Variants in ADGRL3 observed in about 807,000 individuals in gnomAD.
The protein encoded by ADGRL3 is adhesion G protein-coupled receptor L3.
In ADGRL3, 62 loss-of-function variants were observed where a neutral mutation model predicts 153.5. The ratio of observed to expected loss-of-function variants is 0.40; its 90% CI spans 0.33 to 0.50. The LOEUF is 0.50. Ranked by LOEUF, ADGRL3 falls within the 20% of genes least tolerant of loss-of-function variation. The pLI, the probability that ADGRL3 is intolerant of heterozygous loss-of-function variation, is 0.47. For missense variants in ADGRL3, 1,641 were observed against 1,859.4 expected (o/e 0.88, Z 2.16); for synonymous variants, 710 against 672.5 (o/e 1.06, Z -0.86).
At chr4:61,964,489 G>T (rs2098998956) in intron 17 of ADGRL3, among the ~76,000 whole-genome samples, 4 of 151,986 alleles carry the variant, frequency 2.6e-5, no homozygotes. Context: ...GCTTTGCCTT[G>T]GGTTTAGAAG....
intron 1 of ADGRL3, among the ~76,000 whole-genome samples, chr4:61,263,460 GA>G (rs61654507): frequency 8.0e-4 from 106 of 132,158 alleles, no homozygotes; most frequent in Admixed American, 9.0e-4. Context: ...GAGTGCATTT[GA>G]AAAAAAAAAA....
chr4:61,672,945 A>T (rs1470190874), intron 5 of ADGRL3, among the ~76,000 whole-genome samples: 232 of 152,116 alleles, frequency 1.5e-3, no homozygotes, highest in Non-Finnish European at 1.6e-4. Context: ...CAGCAGATGA[A>T]TAGATAAAAA....
chr4:61,681,265 G>T (rs979969100), intron 6 of ADGRL3, among the ~76,000 whole-genome samples: 5 of 152,096 alleles, frequency 3.3e-5, no homozygotes, highest in Non-Finnish European at 7.4e-5. Flanking sequence ...TCTGAGCAAA[G>T]AATCTTTACT....
intron 8 of ADGRL3, among the ~76,000 whole-genome samples, chr4:61,765,075 C>T (rs2096960176): frequency 6.6e-6 from 1 of 152,142 alleles, no homozygotes; most frequent in East Asian, 1.9e-4. Context: ...TCAGCATAGT[C>T]CTGCCAGCAA....
rs560103357 is a variant in ADGRL3, at chr4:61,316,503, T to G, written c.-239-66621T>G. Among the ~76,000 whole-genome samples, 65 of 152,342 alleles carry G rather than the reference T, an allele frequency of 4.3e-4. 1 individual carries two copies. Among genetic ancestry groups the G allele is most frequent in the Admixed American group, 4.1e-3 (63 of 15,300 alleles). On this transcript the variant is annotated intron_variant, in intron 1 of 26. Coordinates refer to ENST00000683033, the MANE Select transcript of ADGRL3 (RefSeq NM_001387552.1). ...CGCATTTACTTTGACACCAACCTAA[T>G]ACTTTCTTGTGAATTCTTCTGGTGA...
At chr4:61,601,721 C>A (rs969066107) in intron 5 of ADGRL3, among the ~76,000 whole-genome samples, 1 of 152,146 alleles carries the variant, frequency 6.6e-6, no homozygotes, top group Non-Finnish European at 1.5e-5. Flanking sequence ...ATTCTGTCAG[C>A]ATTCAGCTGT....
intron 8 of ADGRL3, among the ~76,000 whole-genome samples, chr4:61,768,514 A>G (rs1353873490): frequency 2.6e-5 from 4 of 152,212 alleles, no homozygotes; most frequent in African/African-American, 7.2e-5. Context: ...GACTTCAGGC[A>G]CCTCAGACCA....
chr4:61,598,593 G>A (rs1450253549), intron 5 of ADGRL3, among the ~76,000 whole-genome samples: 2 of 152,130 alleles, frequency 1.3e-5, no homozygotes, highest in Non-Finnish European at 2.9e-5. Flanking sequence ...TATCCTTAGA[G>A]TGGCACTTTT....
At chr4:61,667,913 T>C (rs1279344898) in intron 5 of ADGRL3, among the ~76,000 whole-genome samples, 1 of 152,182 alleles carries the variant, frequency 6.6e-6, no homozygotes, top group East Asian at 1.9e-4. Flanking sequence ...TGCATCTTAC[T>C]AGGTCAGATT....
intron 6 of ADGRL3, among the ~76,000 whole-genome samples, chr4:61,679,377 T>G (rs1453444879): frequency 6.6e-6 from 1 of 152,036 alleles, no homozygotes; most frequent in Admixed American, 6.6e-5. Context: ...ACATGCAAAC[T>G]ATATCATTGG....
At chr4:61,991,922 T>C (rs1365089409) in intron 19 of ADGRL3, among the ~76,000 whole-genome samples, 1 of 148,162 alleles carries the variant, frequency 6.7e-6, no homozygotes, top group Admixed American at 6.8e-5. Context: ...TAAATATATT[T>C]ATAATATTAC....
At chr4:61,577,033 A>T (rs1189258652) in intron 4 of ADGRL3, among the ~76,000 whole-genome samples, 4 of 152,008 alleles carry the variant, frequency 2.6e-5, no homozygotes, top group Non-Finnish European at 5.9e-5. Flanking sequence ...TCTGTTGTGG[A>T]AGATTTATGC....
At chr4:61,743,324 CAAAAAAAAAA>C (rs752363213) in intron 8 of ADGRL3, among the ~76,000 whole-genome samples, 3 of 50,870 alleles carry the variant, frequency 5.9e-5, no homozygotes, top group African/African-American at 1.0e-4. Flanking sequence ...GACTCCATCT[CAAAAAAAAAA>C]AAAAAAAAAA....
intron 2 of ADGRL3, among the ~76,000 whole-genome samples, chr4:61,493,810 C>A (rs2098282297): frequency 6.6e-6 from 1 of 152,288 alleles, no homozygotes; most frequent in South Asian, 2.1e-4. Flanking sequence ...ATTAACGTTC[C>A]TAATTATTTT....
intron 18 of ADGRL3, among the ~76,000 whole-genome samples, chr4:61,980,641 A>AT (rs2150825682): frequency 6.6e-6 from 1 of 152,028 alleles, no homozygotes; most frequent in Admixed American, 6.5e-5. Flanking sequence ...AGGTTTCGCC[A>AT]TGTTGTTCAG....
chr4:61,485,651 G>A (rs2098182861), intron 2 of ADGRL3, among the ~76,000 whole-genome samples: 1 of 152,116 alleles, frequency 6.6e-6, no homozygotes, highest in Non-Finnish European at 1.5e-5. Context: ...CAAAGAAAGT[G>A]TAAGTAAATG....
At chr4:61,980,306 ATTTTTTTTT>A (rs756680977) in intron 18 of ADGRL3, among the ~76,000 whole-genome samples, 19 of 74,430 alleles carry the variant, frequency 2.6e-4, no homozygotes, top group African/African-American at 9.7e-4. Context: ...GTAACCACTA[ATTTTTTTTT>A]TTTTTTTTTT....
chr4:61,451,538 A>G (rs1284191214), intron 2 of ADGRL3, among the ~76,000 whole-genome samples: 1 of 152,190 alleles, frequency 6.6e-6, no homozygotes, highest in Non-Finnish European at 1.5e-5. Context: ...ACATTACACA[A>G]AACTTCGGAG....
chr4:61,813,677 C>A, intron 8 of ADGRL3, 132 bp from the exon 9 acceptor site: 1 of 916,036 alleles, frequency 1.1e-6, no homozygotes, highest in East Asian at 2.8e-5. Flanking sequence ...TATGTTTGGG[C>A]AGATATGTCT....
Sources: gnomAD v4.1 joint callset for allele counts (sites outside exome capture counted in the v4.1 genomes callset) on GRCh38, gnomAD v4.1.1 for gene constraint, MANE v1.5 for transcripts, NCBI Gene and HGNC (gene_info 2026-07-23, HGNC 2026-07-21) for gene names.